The following TMEM132C variants were observed in gnomAD, a reference collection of about 807,000 sequenced individuals.
The protein encoded by TMEM132C is protein phosphatase 1, regulatory subunit 152.
A neutral mutation model predicts 61.4 loss-of-function variants in TMEM132C; 29 were observed. That is an observed-to-expected ratio of 0.47 (90% CI 0.35 to 0.64). TMEM132C has a LOEUF of 0.64. Among genes scored for constraint, TMEM132C ranks in the 30% least tolerant of loss-of-function variants. The pLI is 0.00. For synonymous variants in TMEM132C, 656 were observed against 633.1 expected, an observed-to-expected ratio of 1.04 and a Z score of -0.54; for missense variants, 1,408 against 1,476.9, an observed-to-expected ratio of 0.95 and a Z score of 0.76.
chr12:128,349,337 T>C (rs1311977868), intron 1 of TMEM132C, among the ~76,000 whole-genome samples: 1 of 152,184 alleles, frequency 6.6e-6, no homozygotes, highest in Non-Finnish European at 1.5e-5. Flanking sequence ...GTCACCACCA[T>C]CAAATGACCC....
chr12:128,437,208 A>C (rs567277437), intron 2 of TMEM132C, among the ~76,000 whole-genome samples: 1 of 152,236 alleles, frequency 6.6e-6, no homozygotes, highest in East Asian at 1.9e-4. Flanking sequence ...TGACAAGTTA[A>C]TAGGTACAGC....
intron 2 of TMEM132C, among the ~76,000 whole-genome samples, chr12:128,450,199 A>G (rs1232989313): frequency 6.6e-6 from 1 of 152,238 alleles, no homozygotes; most frequent in Non-Finnish European, 1.5e-5. Flanking sequence ...CGGAGGAACT[A>G]AACTTTTAAT....
chr12:128,556,102 G>T (rs115669302), intron 3 of TMEM132C, among the ~76,000 whole-genome samples: 3,024 of 152,246 alleles, frequency 0.02, 83 homozygotes, highest in African/African-American at 0.067. Context: ...GTAGGGGAGA[G>T]GAACAGTTGA....
chr12:128,348,601 A>C (rs1339861996), intron 1 of TMEM132C, among the ~76,000 whole-genome samples: 1 of 152,204 alleles, frequency 6.6e-6, no homozygotes, highest in African/African-American at 2.4e-5. Flanking sequence ...CTGGCATTTC[A>C]GGCCCTTTCT....
chr12:128,599,726 A>G (rs1167849062), intron 3 of TMEM132C, among the ~76,000 whole-genome samples: 3 of 152,236 alleles, frequency 2.0e-5, no homozygotes, highest in Non-Finnish European at 1.5e-5. Flanking sequence ...TCATGCAGCC[A>G]AGGTTGAGGA....
chr12:128,566,392 C>T (rs796334304), intron 3 of TMEM132C, among the ~76,000 whole-genome samples: 9 of 152,102 alleles, frequency 5.9e-5, no homozygotes, highest in African/African-American at 2.2e-4. Flanking sequence ...TCCTAAAGAA[C>T]CTATTGACTT....
intron 5 of TMEM132C, among the ~76,000 whole-genome samples, chr12:128,690,131 C>T (rs1461872529): frequency 6.6e-6 from 1 of 152,214 alleles, no homozygotes; most frequent in Non-Finnish European, 1.5e-5. Context: ...ACCCCACCGT[C>T]CCTGGGTCCT....
chr12:128,477,077 C>A (rs963869430), intron 2 of TMEM132C, among the ~76,000 whole-genome samples: 1 of 152,096 alleles, frequency 6.6e-6, no homozygotes, highest in Admixed American at 6.5e-5. Flanking sequence ...GTGTAACAGA[C>A]CACCCCCAAA....
At chr12:128,392,580 A>G (rs1265303981) in intron 1 of TMEM132C, among the ~76,000 whole-genome samples, 1 of 152,184 alleles carries the variant, frequency 6.6e-6, no homozygotes, top group Non-Finnish European at 1.5e-5. Context: ...AGGAAGGGCC[A>G]GTGTTGGCCA....
chr12:128,591,340 C>T (rs912583989), intron 3 of TMEM132C, among the ~76,000 whole-genome samples: 4 of 152,112 alleles, frequency 2.6e-5, no homozygotes, highest in Non-Finnish European at 4.4e-5. Context: ...CTGTTCTGGG[C>T]GTTTCGTGTC....
intron 4 of TMEM132C, among the ~76,000 whole-genome samples, chr12:128,636,249 C>G (rs757604937): frequency 6.6e-6 from 1 of 152,104 alleles, no homozygotes; most frequent in Non-Finnish European, 1.5e-5. Flanking sequence ...GACAGGGTCT[C>G]ACTTTGTTGC....
At chr12:128,616,522 G>A (rs1017105965) in intron 4 of TMEM132C, among the ~76,000 whole-genome samples, 187 bp downstream of exon 4, 3 of 152,210 alleles carry the variant, frequency 2.0e-5, no homozygotes, top group African/African-American at 7.2e-5. Context: ...CTTTAGTCAT[G>A]AAGTTTAGTC....
intron 1 of TMEM132C, among the ~76,000 whole-genome samples, chr12:128,302,771 T>C (rs1196049452): frequency 6.6e-6 from 1 of 152,212 alleles, no homozygotes; most frequent in African/African-American, 2.4e-5. Context: ...TCTTAATACA[T>C]ATGAAATGAT....
At chr12:128,365,205 G>C (rs1873825675) in intron 1 of TMEM132C, among the ~76,000 whole-genome samples, 1 of 152,164 alleles carries the variant, frequency 6.6e-6, no homozygotes. Flanking sequence ...TTGATTGGCT[G>C]ATCAAAGCCA....
intron 2 of TMEM132C, among the ~76,000 whole-genome samples, chr12:128,502,953 G>A (rs1593076751): frequency 6.6e-6 from 1 of 152,192 alleles, no homozygotes; most frequent in East Asian, 1.9e-4. Context: ...CATTTAACCA[G>A]TCACAAAGCA....
intron 1 of TMEM132C, among the ~76,000 whole-genome samples, chr12:128,277,345 G>T (rs1198000870): frequency 6.6e-6 from 1 of 152,152 alleles, no homozygotes; most frequent in African/African-American, 2.4e-5. Context: ...TGTCCTCTTT[G>T]CTGTCTTCAT....
In TMEM132C at chr12:128,694,020, T is replaced by C. The variant is rs989281859; in HGVS notation, c.1641T>C (p.Ile547=). Residue 547 remains isoleucine, a synonymous_variant, in exon 6 of 9, where the codon ATT becomes ATC. Transcript: ENST00000435159. ...LSQIKGWRVP[I]VTNKRPTRES... is the part of the protein sequence containing the mutation. ...AGATAAAGGGCTGGAGGGTCCCCAT[T>C]GTGACCAATAAGAGGTGAGCCTCGG... 5 of 1,551,562 alleles carry C rather than the reference T, an allele frequency of 3.2e-6. No homozygotes were observed. The African/African-American group carries it at 5.5e-5, about 17-fold the overall frequency.
rs558264014 is a variant in TMEM132C at position 128,420,603 on chromosome 12, T to G, written c.974+4983T>G. The stretch of plus-strand genomic sequence containing the variant: ...AGGAATGTCACGATGTAACTTATTT[T>G]TATGTATTGCAGTAATCTAGGTGAG... On this transcript the variant is annotated intron_variant, in intron 2 of 8. Transcript: ENST00000435159. Among the ~76,000 whole-genome samples, 3 of 152,324 alleles carry G rather than the reference T, an allele frequency of 2.0e-5. 1 individual carries two copies. The highest frequency in any genetic ancestry group is 7.2e-5 in the African/African-American group (3 of 41,570).
intron 3 of TMEM132C, among the ~76,000 whole-genome samples, chr12:128,602,048 A>C (rs1450760540): frequency 6.6e-6 from 1 of 152,040 alleles, no homozygotes; most frequent in African/African-American, 2.4e-5. Context: ...CTCTATAAAA[A>C]ATTTAAAATT....
Sources: gnomAD v4.1 joint callset for allele counts (sites outside exome capture counted in the v4.1 genomes callset) on GRCh38, gnomAD v4.1.1 for gene constraint, MANE v1.5 for transcripts, NCBI Gene and HGNC (gene_info 2026-07-23, HGNC 2026-07-21) for gene names.